The following EDA variants were observed in gnomAD, a reference collection of about 807,000 sequenced individuals.
The protein encoded by EDA is ectodysplasin-A.
In EDA, 2 loss-of-function variants were observed where a neutral mutation model predicts 23.6. That is an observed-to-expected ratio of 0.08 (90% CI 0.03 to 0.27). The LOEUF (loss-of-function observed/expected upper bound fraction) is 0.27, where lower values mean the gene tolerates loss of function less well. Ranked by LOEUF, EDA falls within the 10% of genes least tolerant of loss-of-function variation. EDA has a pLI of 1.00. For synonymous variants in EDA, 131 were observed against 132.0 expected (o/e 0.99, Z 0.05); for missense variants, 229 against 324.2 (o/e 0.71, Z 2.26).
At chrX:69,642,935 A>G (rs1256887016) in intron 1 of EDA, among the ~76,000 whole-genome samples, 5 of 111,690 alleles carry the variant, frequency 4.5e-5, no homozygotes, top group African/African-American at 1.6e-4. Context: ...AGAAAATACT[A>G]TAAGGGATGA....
At chrX:70,016,837 G>T (rs183437999) in intron 2 of EDA, among the ~76,000 whole-genome samples, 7 of 111,146 alleles carry the variant, frequency 6.3e-5, no homozygotes, top group Non-Finnish European at 1.3e-4. Context: ...CCATACTAGC[G>T]GAAGACAAGA....
At chrX:69,930,000 TC>T (rs111843810) in intron 1 of EDA, among the ~76,000 whole-genome samples, 2,762 of 111,040 alleles carry the variant, frequency 0.025, 91 homozygotes, top group African/African-American at 0.086. Flanking sequence ...TTAACACTTC[TC>T]TGCGGCTCCG....
intron 1 of EDA, among the ~76,000 whole-genome samples, chrX:69,714,618 G>A (rs900880279): frequency 1.8e-5 from 2 of 111,595 alleles, no homozygotes; most frequent in African/African-American, 6.5e-5. Context: ...CTTGCCTGGG[G>A]ATATCCAATT....
chrX:69,937,259 G>T, intron 1 of EDA: 1 of 755,204 alleles, frequency 1.3e-6, no homozygotes, highest in Non-Finnish European at 2.1e-6. Context: ...CACAATATTT[G>T]GCATCATCAG....
At position 69,860,616 on chromosome X, in the gene EDA, C is replaced by A. The variant is rs1454711835; in HGVS notation, c.397-96411C>A. ...TCACTGGTAATCTGATGATGGGCTTCCCTGTGTAGGTGACCTGACCTTCTC... is the reference window on the plus strand; with the variant it reads ...TCACTGGTAATCTGATGATGGGCTTACCTGTGTAGGTGACCTGACCTTCTC... On this transcript the variant is annotated intron_variant, in intron 1 of 7. Coordinates refer to ENST00000374552, the MANE Select transcript of EDA (RefSeq NM_001399.5). Among the ~76,000 whole-genome samples the A allele has an allele frequency of 9.9e-5, 11 of 111,125 alleles. No individual in the cohort carries two copies. The East Asian group carries it at 3.1e-3, about 31-fold the overall frequency.
intron 1 of EDA, among the ~76,000 whole-genome samples, chrX:69,771,142 C>T (rs1332678617): frequency 7.6e-5 from 8 of 105,016 alleles, no homozygotes; most frequent in East Asian, 2.8e-4. Flanking sequence ...CTGCAACCTC[C>T]GCCTCCCAGG....
intron 1 of EDA, among the ~76,000 whole-genome samples, chrX:69,949,879 G>T (rs1293044883): frequency 1.8e-5 from 2 of 111,366 alleles, no homozygotes; most frequent in African/African-American, 3.3e-5. Context: ...GGGAAAACTG[G>T]CTAGCCATAT....
intron 2 of EDA, among the ~76,000 whole-genome samples, chrX:70,019,469 T>A (rs1446261786): frequency 8.9e-6 from 1 of 111,842 alleles, no homozygotes; most frequent in Non-Finnish European, 1.9e-5. Flanking sequence ...GTAGACTGGA[T>A]AAAGAAAATG....
chrX:69,673,159 GT>G (rs771334554), intron 1 of EDA, among the ~76,000 whole-genome samples: 5 of 111,129 alleles, frequency 4.5e-5, no homozygotes, highest in Non-Finnish European at 9.4e-5. Flanking sequence ...AGGTTTTGTG[GT>G]TTTGGCAAGA....
intron 1 of EDA, among the ~76,000 whole-genome samples, chrX:69,700,507 G>A (rs1186975823): frequency 9.0e-6 from 1 of 111,653 alleles, no homozygotes. Flanking sequence ...TGAGGTCCTT[G>A]ACTAAGTGAT....
At chrX:69,758,918 A>G (rs2014212217) in intron 1 of EDA, among the ~76,000 whole-genome samples, 1 of 112,446 alleles carries the variant, frequency 8.9e-6, no homozygotes, top group South Asian at 3.7e-4. Context: ...GATACTTATG[A>G]AACCGATTGT....
intron 2 of EDA, among the ~76,000 whole-genome samples, chrX:69,987,298 AAAT>A (rs1215810914): frequency 0.068 from 7,102 of 104,575 alleles, 582 homozygotes; most frequent in East Asian, 0.54. Flanking sequence ...TTAAAAAAAA[AAAT>A]TTTTTTTTTT....
chrX:69,865,306 A>G (rs1396352773), intron 1 of EDA, among the ~76,000 whole-genome samples: 1 of 110,572 alleles, frequency 9.0e-6, no homozygotes, highest in Non-Finnish European at 1.9e-5. Flanking sequence ...AAACTCCCAT[A>G]TATATACATA....
chrX:69,828,665 C>T (rs781694993), intron 1 of EDA, among the ~76,000 whole-genome samples: 4 of 112,439 alleles, frequency 3.6e-5, no homozygotes, highest in African/African-American at 6.4e-5. Context: ...CTTTCTTCTG[C>T]GTCGCTCACG....
At chrX:69,651,330 G>A (rs1377063385) in intron 1 of EDA, among the ~76,000 whole-genome samples, 1 of 111,679 alleles carries the variant, frequency 9.0e-6, no homozygotes, top group African/African-American at 3.3e-5. Context: ...ATAGTTGGAT[G>A]TTCTTTCTTT....
chrX:69,788,976 G>A (rs2015305407), intron 1 of EDA, among the ~76,000 whole-genome samples: 1 of 112,849 alleles, frequency 8.9e-6, no homozygotes, highest in Non-Finnish European at 1.9e-5. Flanking sequence ...CGAGCCAGGT[G>A]CGGGATATAA....
intron 2 of EDA, chrX:69,957,609 T>C (rs1300337271): frequency 8.3e-6 from 1 of 121,048 alleles, no homozygotes; most frequent in Middle Eastern, 3.9e-3. Context: ...TCCTTTAACA[T>C]AGAACTAACT....
chrX:69,682,892 CTTGAG>C, intron 1 of EDA, among the ~76,000 whole-genome samples: 1 of 111,532 alleles, frequency 9.0e-6, no homozygotes, highest in Middle Eastern at 4.6e-3. Flanking sequence ...CTTGCTGCTC[CTTGAG>C]TTTAGTGTTT....
chrX:69,949,032 T>C (rs2018876018), intron 1 of EDA, among the ~76,000 whole-genome samples: 1 of 112,030 alleles, frequency 8.9e-6, no homozygotes, highest in Non-Finnish European at 1.9e-5. Flanking sequence ...AGGGCATAAA[T>C]GGTTTAATTT....
Sources: allele counts gnomAD v4.1 joint callset (sites outside exome capture counted in the v4.1 genomes callset), GRCh38; gene constraint gnomAD v4.1.1; transcripts MANE v1.5; gene names NCBI Gene and HGNC (gene_info 2026-07-23, HGNC 2026-07-21).